The following PLCB1 variants were observed in gnomAD, a reference collection of about 807,000 sequenced individuals.
The protein encoded by PLCB1 is 1-phosphatidylinositol 4,5-bisphosphate phosphodiesterase beta-1.
In PLCB1, 46 loss-of-function variants were observed where a neutral mutation model predicts 161.8. That is an observed-to-expected ratio of 0.28 (90% CI 0.22 to 0.36). The LOEUF is 0.36. PLCB1 is among the 10% of genes least tolerant of loss of function. The pLI is 1.00. For missense variants in PLCB1, 1,016 were observed against 1,472.5 expected, an observed-to-expected ratio of 0.69 and a Z score of 5.07; for synonymous variants, 517 against 503.7, an observed-to-expected ratio of 1.03 and a Z score of -0.35.
intron 25 of PLCB1, among the ~76,000 whole-genome samples, chr20:8,761,319 G>A (rs1458787050): frequency 6.6e-6 from 1 of 152,190 alleles, no homozygotes; most frequent in South Asian, 2.1e-4. Flanking sequence ...CAAAAAGGAA[G>A]GCTTCTGGGA....
intron 2 of PLCB1, among the ~76,000 whole-genome samples, chr20:8,268,055 G>A (rs1982069108): frequency 6.6e-6 from 1 of 151,902 alleles, no homozygotes; most frequent in African/African-American, 2.4e-5. Flanking sequence ...TCATGTTGGT[G>A]TGCTGCACCC....
chr20:8,767,531 T>C (rs890867751), intron 26 of PLCB1, among the ~76,000 whole-genome samples: 3 of 152,138 alleles, frequency 2.0e-5, no homozygotes, highest in African/African-American at 7.2e-5. Context: ...TGCAAGACTC[T>C]TGTGTGAACA....
At chr20:8,733,092 T>C (rs1461716303) in intron 18 of PLCB1, 146 bp from the exon 19 acceptor site, 5 of 785,266 alleles carry the variant, frequency 6.4e-6, no homozygotes, top group South Asian at 1.9e-5. Context: ...TTTTTTCTTA[T>C]CTGTGTTTCC....
chr20:8,835,210 C>T (rs1236245645), intron 31 of PLCB1, among the ~76,000 whole-genome samples: 2 of 152,100 alleles, frequency 1.3e-5, no homozygotes, highest in East Asian at 3.9e-4. Flanking sequence ...AAGGGCCTGG[C>T]TTGTTGAACA....
chr20:8,607,787 A>G (rs1987799406), intron 3 of PLCB1, among the ~76,000 whole-genome samples: 1 of 152,208 alleles, frequency 6.6e-6, no homozygotes, highest in Non-Finnish European at 1.5e-5. Flanking sequence ...TTCATTAAAT[A>G]TGTATTGCAT....
At chr20:8,479,685 C>T (rs1360508717) in intron 3 of PLCB1, among the ~76,000 whole-genome samples, 1 of 152,240 alleles carries the variant, frequency 6.6e-6, no homozygotes, top group Non-Finnish European at 1.5e-5. Context: ...TGACAATCTA[C>T]TGCATTGACT....
chr20:8,755,835 G>C (rs552651858), intron 23 of PLCB1, among the ~76,000 whole-genome samples: 7 of 152,188 alleles, frequency 4.6e-5, no homozygotes, highest in Non-Finnish European at 1.0e-4. Flanking sequence ...TAAATGAGGA[G>C]GGTTACATAA....
chr20:8,739,358 C>T lies in PLCB1; in HGVS notation c.2306C>T (p.Pro769Leu). The T allele has an allele frequency of 6.3e-7, 1 of 1,598,396 alleles. No homozygotes were observed. Among genetic ancestry groups the T allele is most frequent in the Non-Finnish European group, 8.6e-7 (1 of 1,165,732 alleles). Residue 769 changes from proline (P) to leucine (L), a missense_variant and splice_region_variant, in exon 21 of 32, where the codon CCA (proline) becomes CTA (leucine). Pro to Leu is a moderately conservative substitution (Grantham distance 98, BLOSUM62 -3). Around this residue, in one of 10 missense-constraint regions of PLCB1, gnomAD observed 75 missense variants for 117.0 expected, o/e 0.64. Coordinates refer to ENST00000338037, the MANE Select transcript of PLCB1 (RefSeq NM_015192.4). Reference sequence around the variant, plus strand: ...ATCTTGCCAGTGCAAGCCATTCGGCCAGGTATGGGTAGTGTGCTGAGAAAC... The same window carrying T: ...ATCTTGCCAGTGCAAGCCATTCGGCTAGGTATGGGTAGTGTGCTGAGAAAC... ...HRILPVQAIR[P>L]GYHYICLRNE...
chr20:8,212,388 T>C (rs1978872172), intron 2 of PLCB1, among the ~76,000 whole-genome samples: 1 of 152,146 alleles, frequency 6.6e-6, no homozygotes, highest in Non-Finnish European at 1.5e-5. Flanking sequence ...GTATGCATTT[T>C]ATTCTAAATA....
At chr20:8,781,127 G>A (rs901963625) in intron 27 of PLCB1, among the ~76,000 whole-genome samples, 1 of 152,156 alleles carries the variant, frequency 6.6e-6, no homozygotes, top group South Asian at 2.1e-4. Flanking sequence ...CCTAGGTGAT[G>A]TATATGTGCC....
chr20:8,636,653 C>A (rs1357432624), intron 4 of PLCB1, among the ~76,000 whole-genome samples: 1 of 152,218 alleles, frequency 6.6e-6, no homozygotes, highest in Non-Finnish European at 1.5e-5. Flanking sequence ...TGGAAGAAAG[C>A]ACCCCTGCCT....
chr20:8,475,716 T>C (rs1013210942), intron 3 of PLCB1, among the ~76,000 whole-genome samples: 2 of 152,226 alleles, frequency 1.3e-5, no homozygotes, highest in African/African-American at 4.8e-5. Flanking sequence ...ATCTTAGATA[T>C]AGCCAATATC....
chr20:8,794,761 A>G lies in PLCB1; in HGVS notation c.3423+4500A>G, dbSNP rs536935111. Reference sequence around the variant, plus strand: ...AACCTTGATCAACTTAGAAAATCATATCAATATAATTTTCTAAGCCATTGG... The same window carrying G: ...AACCTTGATCAACTTAGAAAATCATGTCAATATAATTTTCTAAGCCATTGG... On this transcript the variant is annotated intron_variant, in intron 31 of 31. Coordinates refer to ENST00000338037, the MANE Select transcript of PLCB1 (RefSeq NM_015192.4). Among the ~76,000 whole-genome samples the G allele has an allele frequency of 1.4e-4, 22 of 152,208 alleles. No individual in the cohort carries two copies. In the East Asian group the frequency reaches 4.2e-3, roughly 29 times the overall value.
chr20:8,678,671 C>G (rs1242818730), intron 9 of PLCB1, among the ~76,000 whole-genome samples: 1 of 152,178 alleles, frequency 6.6e-6, no homozygotes, highest in East Asian at 1.9e-4. Flanking sequence ...CTTGGTGACT[C>G]CACACACTGG....
chr20:8,208,103 A>C (rs909480939), intron 2 of PLCB1, among the ~76,000 whole-genome samples: 2 of 152,110 alleles, frequency 1.3e-5, no homozygotes, highest in African/African-American at 2.4e-5. Flanking sequence ...TTTTGTCAGA[A>C]TCCCAAAGAC....
intron 25 of PLCB1, among the ~76,000 whole-genome samples, chr20:8,760,662 A>G (rs965083753): frequency 1.3e-5 from 2 of 152,250 alleles, no homozygotes; most frequent in African/African-American, 4.8e-5. Flanking sequence ...CTTTGTAGCT[A>G]GAACCCTACT....
chr20:8,159,543 G>A (rs139262957), intron 2 of PLCB1, among the ~76,000 whole-genome samples: 7 of 152,082 alleles, frequency 4.6e-5, no homozygotes, highest in East Asian at 1.9e-4. Flanking sequence ...TTCTGCAGCC[G>A]GCTTGAACTT....
chr20:8,220,342 G>A (rs1979338180), intron 2 of PLCB1, among the ~76,000 whole-genome samples: 1 of 152,200 alleles, frequency 6.6e-6, no homozygotes, highest in African/African-American at 2.4e-5. Context: ...AGAGAGAAAT[G>A]ATGCATTCAC....
At chr20:8,664,040 T>C (rs1023350060) in intron 9 of PLCB1, among the ~76,000 whole-genome samples, 2 of 152,180 alleles carry the variant, frequency 1.3e-5, no homozygotes, top group Non-Finnish European at 2.9e-5. Context: ...GTCCAAATTT[T>C]ACTTAAATAA....
Sources: allele counts gnomAD v4.1 joint callset (sites outside exome capture counted in the v4.1 genomes callset), GRCh38; gene constraint gnomAD v4.1.1; regional missense constraint gnomAD v4.1.1; transcripts MANE v1.5; gene names NCBI Gene and HGNC (gene_info 2026-07-23, HGNC 2026-07-21).